FTO: variants seen among roughly 807,000 people sequenced by gnomAD.
FTO encodes alpha-ketoglutarate-dependent dioxygenase FTO.
In FTO, 47 loss-of-function variants were observed where a neutral mutation model predicts 63.9. The observed-to-expected ratio is 0.74, with a 90% confidence interval of 0.58 to 0.94. The LOEUF is 0.94. Ranked by LOEUF, FTO falls within the 40% of genes least tolerant of loss-of-function variation. The probability of loss-of-function intolerance (pLI) is 0.00; values close to 1 mark genes in which losing one functional copy is unlikely to be tolerated. For synonymous variants in FTO, 207 were observed against 224.4 expected (o/e 0.92, Z 0.69); for missense variants, 562 against 618.1 (o/e 0.91, Z 0.96).
intron 1 of FTO, among the ~76,000 whole-genome samples, chr16:53,798,735 C>T (rs78583326): frequency 6.4e-4 from 97 of 152,166 alleles, no homozygotes; most frequent in East Asian, 1.2e-3. Context: ...ATTCTCAATC[C>T]GGATACTTTT....
intron 4 of FTO, among the ~76,000 whole-genome samples, chr16:53,853,949 G>A (rs1352723306): frequency 2.6e-5 from 4 of 152,086 alleles, no homozygotes; most frequent in African/African-American, 9.7e-5. Context: ...CAGTGTATAA[G>A]CACTCCCTTT....
In FTO at chr16:54,001,591, G is replaced by A. The variant is rs535126701; in HGVS notation, c.1364+67482G>A. Reference sequence around the variant, plus strand: ...TAAATATTTGTGTTCCATTTAAGTGGTTTGTGAGTATAATTTTGATTTTTC... The same window carrying A: ...TAAATATTTGTGTTCCATTTAAGTGATTTGTGAGTATAATTTTGATTTTTC... On this transcript the variant is annotated intron_variant, in intron 8 of 8. Transcript: ENST00000471389. Among the ~76,000 whole-genome samples, 8 of 152,250 alleles carry A rather than the reference G, an allele frequency of 5.3e-5. No individual in the cohort carries two copies. In the South Asian group the frequency reaches 1.7e-3, roughly 32 times the overall value.
intron 4 of FTO, among the ~76,000 whole-genome samples, chr16:53,846,076 C>G (rs574249787): frequency 1.3e-5 from 2 of 151,908 alleles, no homozygotes; most frequent in East Asian, 3.8e-4. Flanking sequence ...TTTAAGTGAT[C>G]TTCCTAAAGT....
intron 8 of FTO, among the ~76,000 whole-genome samples, chr16:54,003,974 T>C (rs2084133277): frequency 6.6e-6 from 1 of 152,154 alleles, no homozygotes; most frequent in African/African-American, 2.4e-5. Context: ...TTTGATAAGG[T>C]AAAATAAGAT....
chr16:53,802,727 C>T (rs77336228), intron 1 of FTO, among the ~76,000 whole-genome samples: 3 of 152,080 alleles, frequency 2.0e-5, no homozygotes, highest in Non-Finnish European at 4.4e-5. Flanking sequence ...CTCTGTTAAC[C>T]TTTTTCTCCT....
chr16:53,898,632 A>C (rs1383114811), intron 7 of FTO, among the ~76,000 whole-genome samples: 2 of 152,158 alleles, frequency 1.3e-5, no homozygotes, highest in Non-Finnish European at 2.9e-5. Context: ...AGTTCACGTG[A>C]GGTCTGTGTT....
chr16:54,064,712 C>T (rs1050862769), intron 8 of FTO, among the ~76,000 whole-genome samples: 4 of 152,086 alleles, frequency 2.6e-5, no homozygotes, highest in Non-Finnish European at 5.9e-5. Context: ...TTTTATTTTG[C>T]CAAGAACACG....
At chr16:53,791,203 G>A (rs2077902738) in intron 1 of FTO, among the ~76,000 whole-genome samples, 1 of 152,194 alleles carries the variant, frequency 6.6e-6, no homozygotes, top group Non-Finnish European at 1.5e-5. Flanking sequence ...GAAACAGTAG[G>A]AATTCTAGGC....
At chr16:53,896,782 T>A (rs754076872) in intron 7 of FTO, among the ~76,000 whole-genome samples, 3 of 152,148 alleles carry the variant, frequency 2.0e-5, no homozygotes, top group African/African-American at 4.8e-5. Context: ...TAATTTTCCT[T>A]CCTCTGGAGC....
chr16:53,918,548 G>T (rs2081937057), intron 7 of FTO, among the ~76,000 whole-genome samples: 1 of 152,182 alleles, frequency 6.6e-6, no homozygotes, highest in Non-Finnish European at 1.5e-5. Flanking sequence ...ATAACATGAA[G>T]ATTATGATAG....
In FTO at chr16:53,978,352, G is replaced by T. The variant is rs2083472099; in HGVS notation, c.1364+44243G>T. Among the ~76,000 whole-genome samples, 3 of 152,146 alleles carry T rather than the reference G, an allele frequency of 2.0e-5. No homozygotes were observed. The South Asian group carries it at 6.2e-4, about 32-fold the overall frequency. On this transcript the variant is annotated intron_variant, in intron 8 of 8. Coordinates refer to ENST00000471389, the MANE Select transcript of FTO (RefSeq NM_001080432.3). ...AAGCTTTCAGTCTCTAATTTGCAGT[G>T]TGAAACATCAAGCTATTTCAAAATT...
chr16:54,064,996 G>T (rs1384884070), intron 8 of FTO, among the ~76,000 whole-genome samples: 1 of 152,120 alleles, frequency 6.6e-6, no homozygotes, highest in African/African-American at 2.4e-5. Flanking sequence ...GATGCTCCTG[G>T]AAGTGGTCTG....
intron 6 of FTO, 117 bp from the exon 7 acceptor site, chr16:53,888,715 C>T: frequency 9.0e-7 from 1 of 1,116,054 alleles, no homozygotes. Context: ...ACCTTTCTCA[C>T]CTTTTCTCAT....
At chr16:53,875,093 G>A (rs771822330) in intron 5 of FTO, among the ~76,000 whole-genome samples, 1 of 151,694 alleles carries the variant, frequency 6.6e-6, no homozygotes, top group African/African-American at 2.4e-5. Flanking sequence ...AGGGAGGGAG[G>A]GAGGAAGGAA....
At chr16:53,787,449 A>T (rs976640853) in intron 1 of FTO, among the ~76,000 whole-genome samples, 1 of 151,854 alleles carries the variant, frequency 6.6e-6, no homozygotes, top group Non-Finnish European at 1.5e-5. Context: ...ACAGATCAGG[A>T]TACTAAGGAT....
At chr16:53,813,526 A>G (rs2078592199) in intron 2 of FTO, among the ~76,000 whole-genome samples, 1 of 152,144 alleles carries the variant, frequency 6.6e-6, no homozygotes, top group Non-Finnish European at 1.5e-5. Flanking sequence ...TACACCTTCT[A>G]GGAAGGCTTA....
intron 8 of FTO, among the ~76,000 whole-genome samples, chr16:54,024,925 G>A (rs1297988883): frequency 6.6e-6 from 1 of 152,180 alleles, no homozygotes; most frequent in African/African-American, 2.4e-5. Context: ...TTTATAATCA[G>A]TAACTTCTGT....
At chr16:53,728,315 C>T (rs925218230) in intron 1 of FTO, among the ~76,000 whole-genome samples, 1 of 152,082 alleles carries the variant, frequency 6.6e-6, no homozygotes, top group Admixed American at 6.5e-5. Flanking sequence ...CGTTGTGTTC[C>T]AACTCTTTTC....
At chr16:54,049,923 C>T (rs757645534) in intron 8 of FTO, among the ~76,000 whole-genome samples, 1 of 152,220 alleles carries the variant, frequency 6.6e-6, no homozygotes, top group Non-Finnish European at 1.5e-5. Flanking sequence ...AACGGATCCA[C>T]GTCTGGCCAT....
Sources: allele counts gnomAD v4.1 joint callset (sites outside exome capture counted in the v4.1 genomes callset), GRCh38; gene constraint gnomAD v4.1.1; transcripts MANE v1.5; gene names NCBI Gene and HGNC (gene_info 2026-07-23, HGNC 2026-07-21).